CASQ1: variants seen among roughly 807,000 people sequenced by gnomAD.
The protein encoded by CASQ1 is calsequestrin 1.
In CASQ1, 40 loss-of-function variants were observed where a neutral mutation model predicts 49.5. The observed-to-expected ratio is 0.81, with a 90% CI of 0.63 to 1.05. The LOEUF is 1.05. Ranked by LOEUF, CASQ1 falls within the 50% of genes least tolerant of loss-of-function variation. The pLI is 0.00. For synonymous variants in CASQ1, 174 were observed against 187.2 expected (o/e 0.93, Z 0.58); for missense variants, 469 against 486.9 (o/e 0.96, Z 0.35).
At position 160,198,707 on chromosome 1, in the gene CASQ1, G is replaced by A; in HGVS notation, c.859G>A (p.Ala287Thr). Residue 287 changes from alanine to threonine, a missense_variant, in exon 8 of 11, where the codon GCC becomes ACC. By Grantham distance (58) the Ala-to-Thr change is moderately conservative. Transcript: ENST00000368078. ...TGATATGGATGGAATCCACATTGTG[G>A]CCTTCGCAGAGGAAGCTGATCCTGG... ...EDDMDGIHIV[A>T]FAEEADPDGF... is the part of the protein sequence containing the mutation. 1 of 1,613,918 alleles carries A rather than the reference G, an allele frequency of 6.2e-7. No individual in the cohort carries two copies. Among genetic ancestry groups the A allele is most frequent in the Non-Finnish European group, 8.5e-7 (1 of 1,179,828 alleles).
intron 6 of CASQ1, 95 bp downstream of exon 6, chr1:160,196,122 G>A (rs933436681): frequency 3.4e-5 from 44 of 1,285,216 alleles, no homozygotes; most frequent in Admixed American, 4.5e-5. Context: ...AGCCAACCGG[G>A]AAGCCAATCT....
chr1:160,196,405 A>G (rs761252098), intron 6 of CASQ1, among the ~76,000 whole-genome samples: 6 of 152,048 alleles, frequency 3.9e-5, no homozygotes, highest in Non-Finnish European at 8.8e-5. Context: ...TCTACAGGTA[A>G]TAAGTGTCAG....
In CASQ1 at chr1:160,195,545, C is replaced by T. The variant is rs1259518423; in HGVS notation, c.651+11C>T. The T allele has an allele frequency of 6.2e-7, 1 of 1,612,068 alleles. No homozygotes were observed. Among genetic ancestry groups the T allele is most frequent in the African/African-American group, 1.3e-5 (1 of 74,916 alleles). ...ACCTTCGACAGCAAGGTTCTCCTCC[C>T]CGCAGCTGTATTGGTTCTGCCTCAT... On this transcript the variant is annotated intron_variant, in intron 5 of 10. Coordinates refer to ENST00000368078, the MANE Select transcript of CASQ1 (RefSeq NM_001231.5).
intron 1 of CASQ1, 37 bp from the exon 2 acceptor site, chr1:160,192,765 T>C (rs1654106420): frequency 6.3e-6 from 10 of 1,585,852 alleles, no homozygotes; most frequent in Non-Finnish European, 7.8e-6. Context: ...TAATAAAAAT[T>C]CCAGGGGCTA....
chr1:160,195,813 C>T (rs1207709280), intron 5 of CASQ1, 84 bp from the exon 6 acceptor site: 2 of 1,430,070 alleles, frequency 1.4e-6, no homozygotes, highest in African/African-American at 1.4e-5. Flanking sequence ...GACTCCCTTC[C>T]TAATATTTGT....
chr1:160,191,120 G>T, intron 1 of CASQ1, 90 bp downstream of exon 1: 1 of 1,411,420 alleles, frequency 7.1e-7, no homozygotes. Flanking sequence ...TTGAGGATGG[G>T]ATCTGGGGGT....
chr1:160,200,024 C>T, intron 10 of CASQ1, 99 bp downstream of exon 10: 1 of 812,156 alleles, frequency 1.2e-6, no homozygotes, highest in South Asian at 1.4e-5. Context: ...GCCCTTCTCA[C>T]AGGACGCAGA....
intron 1 of CASQ1, among the ~76,000 whole-genome samples, chr1:160,191,538 T>C (rs1309964309): frequency 2.0e-5 from 3 of 152,296 alleles, no homozygotes; most frequent in South Asian, 2.1e-4. Flanking sequence ...ATGCCTCCCA[T>C]TGGACTCCCA....
chr1:160,198,764 A>C, intron 8 of CASQ1, 33 bp downstream of exon 8: 1 of 1,594,602 alleles, frequency 6.3e-7, no homozygotes, highest in Non-Finnish European at 8.6e-7. Flanking sequence ...GACTGGAGGG[A>C]AGGCAGGGGG....
chr1:160,197,807 A>C (rs565730193), intron 7 of CASQ1, among the ~76,000 whole-genome samples, 193 bp downstream of exon 7: 16 of 151,882 alleles, frequency 1.1e-4, no homozygotes, highest in Non-Finnish European at 1.8e-4. Context: ...TCACGAGGTC[A>C]GGAGATCGAG....
intron 8 of CASQ1, 78 bp downstream of exon 8, chr1:160,198,809 A>G: frequency 1.5e-6 from 2 of 1,374,894 alleles, no homozygotes; most frequent in South Asian, 1.2e-5. Context: ...GGGCCTCACT[A>G]GGAGGCTTTC....
rs771892275 is a variant in CASQ1 at position 160,192,846 on chromosome 1, G to C, written c.324G>C (p.Leu108=). Residue 108 remains leucine, a synonymous_variant, in exon 2 of 11, where the codon CTG becomes CTC. Coordinates refer to ENST00000368078, the MANE Select transcript of CASQ1 (RefSeq NM_001231.5). Reference sequence around the variant, plus strand: ...AAGACAAGGGTGTTGGCTTCGGGCTGGTAGACTCTGAGAAGGATGCAGCTG... The same window carrying C: ...AAGACAAGGGTGTTGGCTTCGGGCTCGTAGACTCTGAGAAGGATGCAGCTG... The part of the protein sequence containing the change: ...VLEDKGVGFG[L]VDSEKDAAVA... 3.7e-6 allele frequency: 6 copies of C among 1,614,034 alleles called. No homozygotes were observed. The Admixed American group carries it at 8.3e-5, about 22-fold the overall frequency.
Position 160,195,123 on chromosome 1 carries a change from C to G in CASQ1, c.577C>G (p.His193Asp). The G allele has an allele frequency of 6.3e-7, 1 of 1,587,536 alleles. No individual in the cohort carries two copies. The highest frequency in any genetic ancestry group is 8.6e-7 in the Non-Finnish European group (1 of 1,159,754). ...IGYFKSKDSEHYKAFEDAAEE... is the reference protein window; with the variant it reads ...IGYFKSKDSEDYKAFEDAAEE... ...CTACTTCAAGAGCAAAGACTCAGAG[C>G]GTGGGTAACCCTCAGACTCCACTGT... The change falls in exon 4 of 11, where the codon CAT becomes GAT. Residue 193 changes from histidine (H) to aspartate (D), a missense_variant and splice_region_variant. Transcript: ENST00000368078.
rs1557812947 is a variant in CASQ1 at position 160,190,764 on chromosome 1, G to GAC, written c.15_16dup (p.Arg6ThrfsTer21). The stretch of plus-strand genomic sequence containing the variant: ...TCCCACTACCTCCATGAGTGCTACA[G>GAC]ACAGGATGGGGCCCAGAGCTGTGCC... On this transcript the variant is annotated frameshift_variant, in exon 1 of 11. Coordinates refer to ENST00000368078, the MANE Select transcript of CASQ1 (RefSeq NM_001231.5). LOFTEE classifies it high-confidence loss of function. The GAC allele has an allele frequency of 1.2e-6, 2 of 1,613,948 alleles. No individual in the cohort carries two copies. The highest frequency in any genetic ancestry group is 4.5e-5 in the East Asian group (2 of 44,874).
intron 7 of CASQ1, among the ~76,000 whole-genome samples, chr1:160,197,825 T>C (rs1654278992): frequency 6.6e-6 from 1 of 151,762 alleles, no homozygotes; most frequent in Non-Finnish European, 1.5e-5. Flanking sequence ...GAGACCATCC[T>C]GGCTAACACA....
chr1:160,193,290 G>A (rs1000781728), intron 2 of CASQ1, among the ~76,000 whole-genome samples: 23 of 152,096 alleles, frequency 1.5e-4, no homozygotes, highest in African/African-American at 4.8e-4. Flanking sequence ...GGCTTGAGAC[G>A]GGATTCTGGA....
chr1:160,196,937 A>G (rs1005248891), intron 6 of CASQ1, among the ~76,000 whole-genome samples: 1 of 152,220 alleles, frequency 6.6e-6, no homozygotes, highest in Non-Finnish European at 1.5e-5. Context: ...GCTAGAGCCC[A>G]GGGATACTGC....
intron 1 of CASQ1, 74 bp from the exon 2 acceptor site, chr1:160,192,728 T>G: frequency 7.4e-7 from 1 of 1,346,370 alleles, no homozygotes. Flanking sequence ...TGACCCAACT[T>G]GAAAGCATGA....
At chr1:160,196,794 A>C (rs1654252603) in intron 6 of CASQ1, among the ~76,000 whole-genome samples, 1 of 152,116 alleles carries the variant, frequency 6.6e-6, no homozygotes, top group Admixed American at 6.6e-5. Context: ...TTTCTAATAC[A>C]ATATCGTACA....
Sources: allele counts gnomAD v4.1 joint callset (sites outside exome capture counted in the v4.1 genomes callset), GRCh38; gene constraint gnomAD v4.1.1; transcripts MANE v1.5; gene names NCBI Gene and HGNC (gene_info 2026-07-23, HGNC 2026-07-21).